Variants in CNTNAP2 observed in about 807,000 individuals in gnomAD.
The protein encoded by CNTNAP2 is contactin-associated protein-like 2.
CNTNAP2 carries 98 observed loss-of-function variants against 155.2 expected under a neutral mutation model. The observed-to-expected ratio is 0.63, with a 90% confidence interval of 0.54 to 0.75. The LOEUF (loss-of-function observed/expected upper bound fraction) is 0.75, where lower values mean the gene tolerates loss of function less well. Ranked by LOEUF, CNTNAP2 falls within the 30% of genes least tolerant of loss-of-function variation. CNTNAP2 has a pLI of 0.00. For synonymous variants in CNTNAP2, 651 were observed against 631.2 expected (o/e 1.03, Z -0.47); for missense variants, 1,727 against 1,688.1 (o/e 1.02, Z -0.40).
chr7:147,036,469 G>A (rs1224637891), intron 3 of CNTNAP2, among the ~76,000 whole-genome samples: 1 of 152,096 alleles, frequency 6.6e-6, no homozygotes, highest in Non-Finnish European at 1.5e-5. Context: ...TCTAAAAGTA[G>A]AACCATAGGT....
chr7:146,620,792 T>C (rs1335745848), intron 1 of CNTNAP2, among the ~76,000 whole-genome samples: 1 of 152,166 alleles, frequency 6.6e-6, no homozygotes, highest in Non-Finnish European at 1.5e-5. Context: ...GTTGTTGCTA[T>C]GTGTGCTCAC....
chr7:147,154,003 T>C (rs980068511), intron 8 of CNTNAP2, among the ~76,000 whole-genome samples: 1 of 151,992 alleles, frequency 6.6e-6, no homozygotes. Context: ...GATTGCTCTT[T>C]CAAGAAAGTC....
chr7:147,999,380 GA>G lies in CNTNAP2; in HGVS notation c.2383+21394del, dbSNP rs541215711. ...CATGAGCCACCATGCCCGGCCAGTA[GA>G]AATCTTTTTTAAGAAGACTTTTAAA... On this transcript the variant is annotated intron_variant, in intron 15 of 23. Coordinates refer to ENST00000361727, the MANE Select transcript of CNTNAP2 (RefSeq NM_014141.6). 2.0e-3 allele frequency among the ~76,000 whole-genome samples: 307 copies of G among 152,258 alleles called. 1 individual carries two copies. Among genetic ancestry groups the G allele is most frequent in the African/African-American group, 6.8e-3 (282 of 41,546 alleles).
At chr7:147,950,384 AAAAAAAAAAG>A in intron 14 of CNTNAP2, among the ~76,000 whole-genome samples, 1 of 151,020 alleles carries the variant, frequency 6.6e-6, no homozygotes, top group East Asian at 1.9e-4. Flanking sequence ...AAAAAAAAAA[AAAAAAAAAAG>A]ACCTTACAGT....
chr7:146,752,835 A>C, intron 1 of CNTNAP2, among the ~76,000 whole-genome samples: 1 of 152,180 alleles, frequency 6.6e-6, no homozygotes, highest in East Asian at 1.9e-4. Flanking sequence ...TTTTCAGCAT[A>C]TGGCTAGCCA....
rs988809387 is a variant in CNTNAP2, at chr7:146,570,964, G to T, written c.98-203307G>T. Reference sequence around the variant, plus strand: ...AGCCAAATAATAAGAAAATACTTAGGTTCCACTTACCTAAAAATAAATCTA... The same window carrying T: ...AGCCAAATAATAAGAAAATACTTAGTTTCCACTTACCTAAAAATAAATCTA... On this transcript the variant is annotated intron_variant, in intron 1 of 23. Transcript: ENST00000361727. Among the ~76,000 whole-genome samples, 13 of 152,052 alleles carry T rather than the reference G, an allele frequency of 8.5e-5. No individual in the cohort carries two copies. In the East Asian group the frequency reaches 1.5e-3, roughly 18 times the overall value.
intron 8 of CNTNAP2, among the ~76,000 whole-genome samples, chr7:147,166,637 G>C (rs903810565): frequency 6.6e-6 from 1 of 152,104 alleles, no homozygotes; most frequent in Non-Finnish European, 1.5e-5. Flanking sequence ...GGGTGCAGGC[G>C]GGCTGAGTCT....
At chr7:146,803,044 A>C (rs1342129954) in intron 2 of CNTNAP2, among the ~76,000 whole-genome samples, 3 of 152,182 alleles carry the variant, frequency 2.0e-5, no homozygotes. Context: ...TAAATAAATA[A>C]GTCTTAGTGA....
intron 10 of CNTNAP2, among the ~76,000 whole-genome samples, chr7:147,440,226 T>G (rs973909402): frequency 6.6e-6 from 1 of 152,078 alleles, no homozygotes; most frequent in Non-Finnish European, 1.5e-5. Context: ...TTTCTGTGTA[T>G]CTGTTGTGTG....
chr7:146,781,533 A>T (rs1235034932), intron 2 of CNTNAP2, among the ~76,000 whole-genome samples: 1 of 152,094 alleles, frequency 6.6e-6, no homozygotes, highest in African/African-American at 2.4e-5. Flanking sequence ...AGTTCTAGTG[A>T]TAAGCATGAC....
chr7:148,404,938 C>T (rs967516648), intron 22 of CNTNAP2, among the ~76,000 whole-genome samples: 5 of 152,208 alleles, frequency 3.3e-5, no homozygotes, highest in African/African-American at 9.7e-5. Context: ...CTTCTCTCCT[C>T]TGCCACACTG....
chr7:147,845,243 T>C (rs1402702103), intron 13 of CNTNAP2, among the ~76,000 whole-genome samples: 15 of 105,516 alleles, frequency 1.4e-4, no homozygotes, highest in Admixed American at 1.2e-4. Context: ...TTTTGGTTGG[T>C]AAACTATTGA....
intron 3 of CNTNAP2, among the ~76,000 whole-genome samples, chr7:146,853,523 G>A (rs1794922047): frequency 6.6e-6 from 1 of 152,028 alleles, no homozygotes; most frequent in Admixed American, 6.6e-5. Flanking sequence ...GAGATGTTTG[G>A]CATTTTTACT....
chr7:146,973,286 C>T (rs539934845), intron 3 of CNTNAP2, among the ~76,000 whole-genome samples: 5 of 152,276 alleles, frequency 3.3e-5, no homozygotes, highest in African/African-American at 1.2e-4. Flanking sequence ...CCTCAGCCTC[C>T]CAAAGTGCTG....
intron 13 of CNTNAP2, among the ~76,000 whole-genome samples, chr7:147,739,587 C>T (rs1285565239): frequency 2.0e-5 from 3 of 151,798 alleles, no homozygotes; most frequent in African/African-American, 7.3e-5. Context: ...CACACATATA[C>T]CCCCATTATA....
intron 3 of CNTNAP2, among the ~76,000 whole-genome samples, chr7:146,898,081 C>A (rs1585144884): frequency 6.6e-6 from 1 of 151,796 alleles, no homozygotes; most frequent in Non-Finnish European, 1.5e-5. Flanking sequence ...ACATGGACAT[C>A]ATAGTATATT....
chr7:146,834,758 G>A (rs888148885), intron 2 of CNTNAP2, among the ~76,000 whole-genome samples: 3 of 152,032 alleles, frequency 2.0e-5, no homozygotes, highest in East Asian at 1.9e-4. Context: ...CCTCTTTGAC[G>A]TCCAACCACT....
intron 15 of CNTNAP2, among the ~76,000 whole-genome samples, chr7:148,058,638 G>A (rs867294885): frequency 4.6e-5 from 7 of 152,108 alleles, no homozygotes; most frequent in Non-Finnish European, 5.9e-5. Context: ...CTTGCAAGGC[G>A]TGTCGCTTGA....
At chr7:146,320,583 A>AT (rs1301905792) in intron 1 of CNTNAP2, among the ~76,000 whole-genome samples, 2 of 152,016 alleles carry the variant, frequency 1.3e-5, no homozygotes, top group Non-Finnish European at 2.9e-5. Context: ...ATCAGAACTA[A>AT]TTTTTTTCTT....
Sources: allele counts gnomAD v4.1 joint callset (sites outside exome capture counted in the v4.1 genomes callset), GRCh38; gene constraint gnomAD v4.1.1; transcripts MANE v1.5; gene names NCBI Gene and HGNC (gene_info 2026-07-23, HGNC 2026-07-21).